The following ANKRD30B variants were observed in gnomAD, a reference collection of about 807,000 sequenced individuals.
The protein encoded by ANKRD30B is ankyrin repeat domain-containing protein 30B.
Under a neutral mutation model 202.2 loss-of-function variants are expected in ANKRD30B, and 144 were observed. The ratio of observed to expected loss-of-function variants is 0.71; its 90% CI spans 0.62 to 0.82. ANKRD30B has a LOEUF of 0.82. Ranked by LOEUF, ANKRD30B falls within the 40% of genes least tolerant of loss-of-function variation. The probability of loss-of-function intolerance (pLI) is 0.00; values close to 1 mark genes in which losing one functional copy is unlikely to be tolerated. For missense variants in ANKRD30B, 1,487 were observed against 1,669.1 expected, an observed-to-expected ratio of 0.89 and a Z score of 1.90; for synonymous variants, 508 against 561.3, an observed-to-expected ratio of 0.91 and a Z score of 1.34.
At chr18:14,930,122 C>T in the ANKRD30B span, among the ~76,000 whole-genome samples, 3 of 152,092 alleles carry the variant, frequency 2.0e-5, no homozygotes, top group Non-Finnish European at 2.9e-5. Context: ...GTGTGTGGCT[C>T]AGGTGAGTGA....
the ANKRD30B span, among the ~76,000 whole-genome samples, chr18:14,862,727 A>G: frequency 2.6e-5 from 4 of 152,204 alleles, no homozygotes; most frequent in Admixed American, 6.5e-5. Flanking sequence ...GCCTAGAAAT[A>G]CCACAGGCAC....
chr18:14,831,181 G>GGAAA (rs1267118242), intron 33 of ANKRD30B, among the ~76,000 whole-genome samples: 3 of 52,356 alleles, frequency 5.7e-5, no homozygotes, highest in African/African-American at 7.5e-5. Context: ...CTCCGTCTCG[G>GGAAA]AAAAAAAAAA....
intron 16 of ANKRD30B, among the ~76,000 whole-genome samples, chr18:14,794,461 C>G (rs1481359275): frequency 6.6e-6 from 1 of 151,722 alleles, no homozygotes. Flanking sequence ...TTTCCTATCT[C>G]ATGACACTCT....
In ANKRD30B at chr18:14,752,860, G is replaced by C; in HGVS notation, c.358G>C (p.Ala120Pro). Reference sequence around the variant, plus strand: ...ACAGGCTCTACAATGCGAGAGGGAGGCTTGTGCAAATATTCTCATAGATGC... The same window carrying C: ...ACAGGCTCTACAATGCGAGAGGGAGCCTTGTGCAAATATTCTCATAGATGC... ...LMKALQCERE[A>P]CANILIDAGA... The change falls in exon 3 of 44, where the codon GCT becomes CCT. Residue 120 changes from alanine (A) to proline (P), a missense_variant. Ala to Pro is a conservative substitution (Grantham distance 27). Around this residue, in one of 6 missense-constraint regions of ANKRD30B, gnomAD observed 889 missense variants for 841.4 expected, o/e 1.06. Transcript: ENST00000690538. 2 of 1,609,714 alleles carry C rather than the reference G, an allele frequency of 1.2e-6. No individual in the cohort carries two copies. Among genetic ancestry groups the C allele is most frequent in the Non-Finnish European group, 1.7e-6 (2 of 1,177,646 alleles).
chr18:14,821,895 A>C (rs1970443281), intron 30 of ANKRD30B, among the ~76,000 whole-genome samples: 2 of 152,248 alleles, frequency 1.3e-5, no homozygotes, highest in Admixed American at 1.3e-4. Flanking sequence ...ATATATTTAT[A>C]AACTTTCATT....
the ANKRD30B span, among the ~76,000 whole-genome samples, chr18:14,922,302 G>A: frequency 6.6e-6 from 1 of 152,216 alleles, no homozygotes; most frequent in African/African-American, 2.4e-5. Flanking sequence ...GTTAAAAGTT[G>A]AGTTTCTGCA....
the ANKRD30B span, among the ~76,000 whole-genome samples, chr18:14,879,039 G>C: frequency 2.6e-5 from 4 of 152,042 alleles, no homozygotes; most frequent in Non-Finnish European, 5.9e-5. Context: ...GGGGCACCGC[G>C]AGGGTGCAGC....
chr18:14,781,605 T>C (rs1415004797), intron 11 of ANKRD30B, among the ~76,000 whole-genome samples: 1 of 150,214 alleles, frequency 6.7e-6, no homozygotes. Context: ...ATGCAGTATG[T>C]ATTTGCGGCA....
At chr18:14,760,661 A>T in intron 6 of ANKRD30B, 43 bp downstream of exon 6, 1 of 1,347,996 alleles carries the variant, frequency 7.4e-7, no homozygotes, top group Non-Finnish European at 1.0e-6. Context: ...GTGCTACCAT[A>T]AGATTAGGGA....
intron 39 of ANKRD30B, among the ~76,000 whole-genome samples, chr18:14,844,286 A>C (rs953207503): frequency 1.3e-5 from 2 of 152,268 alleles, no homozygotes; most frequent in African/African-American, 2.4e-5. Context: ...TTGATATATT[A>C]GAAACTGAAA....
At chr18:14,913,413 G>T in the ANKRD30B span, among the ~76,000 whole-genome samples, 1 of 152,112 alleles carries the variant, frequency 6.6e-6, no homozygotes, top group Non-Finnish European at 1.5e-5. Context: ...GGAATTTTAT[G>T]AATTTCCAAT....
intron 33 of ANKRD30B, 129 bp downstream of exon 33, chr18:14,828,437 A>T: frequency 1.5e-6 from 1 of 669,082 alleles, no homozygotes; most frequent in Non-Finnish European, 2.4e-6. Flanking sequence ...ATCATCTCAC[A>T]TAGTCATCAC....
At chr18:14,890,116 G>A in the ANKRD30B span, 2 of 935,556 alleles carry the variant, frequency 2.1e-6, no homozygotes, top group Non-Finnish European at 3.4e-6. Context: ...AGAAAGACAT[G>A]TCAGGTATTC....
intron 3 of ANKRD30B, among the ~76,000 whole-genome samples, chr18:14,753,234 A>G: frequency 6.6e-6 from 1 of 152,296 alleles, no homozygotes; most frequent in Admixed American, 6.5e-5. Flanking sequence ...GAATTTGTTA[A>G]AGGTAAAACT....
chr18:14,897,589 TA>T, the ANKRD30B span, among the ~76,000 whole-genome samples: 19 of 152,024 alleles, frequency 1.2e-4, no homozygotes, highest in African/African-American at 4.4e-4. Context: ...ATTTAATAAA[TA>T]AAGTTAGCAT....
At chr18:14,820,216 T>A (rs1157710282) in intron 30 of ANKRD30B, among the ~76,000 whole-genome samples, 2 of 152,230 alleles carry the variant, frequency 1.3e-5, no homozygotes, top group Non-Finnish European at 2.9e-5. Flanking sequence ...TGATTTTGTA[T>A]CCTGAGACTT....
chr18:14,882,912 T>C, the ANKRD30B span, among the ~76,000 whole-genome samples: 1 of 152,218 alleles, frequency 6.6e-6, no homozygotes, highest in South Asian at 2.1e-4. Flanking sequence ...TTGTCTCATA[T>C]GAGAATAGCT....
chr18:14,905,248 C>A, the ANKRD30B span, among the ~76,000 whole-genome samples: 1 of 152,230 alleles, frequency 6.6e-6, no homozygotes, highest in Non-Finnish European at 1.5e-5. Context: ...TGTAGCTATT[C>A]TCTATTCCTT....
chr18:14,895,445 T>C, the ANKRD30B span, among the ~76,000 whole-genome samples: 1 of 152,172 alleles, frequency 6.6e-6, no homozygotes, highest in Non-Finnish European at 1.5e-5. Context: ...TGCAAAATGG[T>C]GCAGTCACAT....
Sources: allele counts gnomAD v4.1 joint callset (sites outside exome capture counted in the v4.1 genomes callset), GRCh38; gene constraint gnomAD v4.1.1; regional missense constraint gnomAD v4.1.1; transcripts MANE v1.5; gene names NCBI Gene and HGNC (gene_info 2026-07-23, HGNC 2026-07-21).